WDR33: variants seen among roughly 807,000 people sequenced by gnomAD.
WDR33 encodes WD repeat domain 33, also known as pre-mRNA 3' end processing protein WDR33.
A neutral mutation model predicts 164.9 loss-of-function variants in WDR33; 47 were observed. The ratio of observed to expected loss-of-function variants is 0.29; its 90% CI spans 0.23 to 0.36. The LOEUF is 0.36. Among genes scored for constraint, WDR33 ranks in the 10% least tolerant of loss-of-function variants. The pLI is 1.00. For synonymous variants in WDR33, 505 were observed against 589.0 expected (o/e 0.86, Z 2.06); for missense variants, 1,137 against 1,754.1 (o/e 0.65, Z 6.28).
In WDR33 at chr2:127,712,054, G is replaced by T. The variant is rs1686194415; in HGVS notation, c.3308+1529C>A. ...CCCAAAGTGCTGGGATTACAAGCGTGAGCCACTGTGCCCGGCCTTAACCAT... is the reference window on the plus strand; with the variant it reads ...CCCAAAGTGCTGGGATTACAAGCGTTAGCCACTGTGCCCGGCCTTAACCAT... On this transcript the variant is annotated intron_variant, in intron 18 of 21. Transcript: ENST00000322313. This position sits in a 1 kb window ranked among gnomAD's most constrained non-coding sequence, Gnocchi z 4.0. 3.3e-5 allele frequency among the ~76,000 whole-genome samples: 5 copies of T among 151,734 alleles called. No homozygotes were observed. The highest frequency in any genetic ancestry group is 3.3e-4 in the Admixed American group (5 of 15,246).
chr2:127,719,293 C>A lies in WDR33; in HGVS notation c.2732G>T (p.Gly911Val). 6.9e-7 allele frequency: 1 copy of A among 1,455,884 alleles called. No individual in the cohort carries two copies. The highest frequency in any genetic ancestry group is 2.4e-5 in the East Asian group (1 of 41,640). 90.2% of individuals were successfully genotyped at this position (1,455,884 alleles called of 1,614,324 possible). ...PFQQQKTPLL[G>V]DGPRAPFNQE... ...GTTGAAGGGGGCCCGGGGCCCATCA[C>A]CTAGCAGAGGCGTTTTCTGTTGCTG... Residue 911 changes from glycine to valine, a missense_variant, in exon 16 of 22, where the codon GGT becomes GTT. Around this residue, in one of 9 missense-constraint regions of WDR33, gnomAD observed 867 missense variants for 1,073.0 expected, o/e 0.81. Transcript: ENST00000322313. This position sits in a 1 kb window ranked among gnomAD's most constrained non-coding sequence, Gnocchi z 6.5.
rs1161778593 is a variant in WDR33, at chr2:127,714,185, AAT to A, written c.2870-166_2870-165del. Among the ~76,000 whole-genome samples the A allele has an allele frequency of 6.6e-6, 1 of 152,226 alleles. No individual in the cohort carries two copies. Among genetic ancestry groups the A allele is most frequent in the Non-Finnish European group, 1.5e-5 (1 of 68,034 alleles). On this transcript the variant is annotated intron_variant, in intron 17 of 21. Transcript: ENST00000322313. The surrounding 1 kb of genome is among the most constrained non-coding windows in gnomAD (Gnocchi z 4.3). The stretch of plus-strand genomic sequence containing the variant: ...GACAAATGTCCCTGAAGCATTGGGT[AAT>A]AGAACAGGAGCTTTGGGGTGCAGAT...
rs772966061 is a variant in WDR33 at position 127,764,884 on chromosome 2, C to T, written c.570G>A (p.Ser190=). ...DHGGYVKYWQ[S]NMNNVKMFQA... ...GGAACATCTTGACGTTGTTCATGTT[C>T]GACTGCCAATATTTCACATATCCTC... The change falls in exon 6 of 22, where the codon TCG becomes TCA. Residue 190 remains serine (S), a synonymous_variant. Coordinates refer to ENST00000322313, the MANE Select transcript of WDR33 (RefSeq NM_018383.5). The surrounding 1 kb of genome is among the most constrained non-coding windows in gnomAD (Gnocchi z 6.2). 122 of 1,614,026 alleles carry T rather than the reference C, an allele frequency of 7.6e-5. No individual in the cohort carries two copies. Among genetic ancestry groups the T allele is most frequent in the Non-Finnish European group, 9.9e-5 (117 of 1,180,040 alleles).
In WDR33 at chr2:127,734,300, C is replaced by G. The variant is rs151090977; in HGVS notation, c.725-7523G>C. On this transcript the variant is annotated intron_variant, in intron 7 of 21. Transcript: ENST00000322313. ...ATTTTTAGATATTAAGCATTGAGAACAGTGAGTTTGCATCATTCCTTAGCT... is the reference window on the plus strand; with the variant it reads ...ATTTTTAGATATTAAGCATTGAGAAGAGTGAGTTTGCATCATTCCTTAGCT... Among the ~76,000 whole-genome samples the G allele has an allele frequency of 1.8e-3, 279 of 152,266 alleles. 2 individuals are homozygous for G. Among genetic ancestry groups the G allele is most frequent in the African/African-American group, 6.4e-3 (267 of 41,556 alleles).
At chr2:127,759,366 C>T (rs1285472248) in intron 7 of WDR33, among the ~76,000 whole-genome samples, 1 of 152,096 alleles carries the variant, frequency 6.6e-6, no homozygotes, top group African/African-American at 2.4e-5. Flanking sequence ...CTTTTCTAAG[C>T]GTAAGAACAA....
Position 127,738,033 on chromosome 2 carries a change from C to A in WDR33, c.725-11256G>T, listed in dbSNP as rs370534850. Reference sequence around the variant, plus strand: ...CCTCTTGACAGAAAGGAAGTAACAACGGCAGTGATGAAAACATGTATCTAT... The same window carrying A: ...CCTCTTGACAGAAAGGAAGTAACAAAGGCAGTGATGAAAACATGTATCTAT... On this transcript the variant is annotated intron_variant, in intron 7 of 21. Transcript: ENST00000322313. The surrounding 1 kb of genome is among the most constrained non-coding windows in gnomAD (Gnocchi z 4.4). 10 of 1,612,882 alleles carry A rather than the reference C, an allele frequency of 6.2e-6. No homozygotes were observed. The highest frequency in any genetic ancestry group is 1.3e-5 in the African/African-American group (1 of 74,938).
Position 127,704,795 on chromosome 2 carries a change from C to T in WDR33, c.*1528G>A, listed in dbSNP as rs541340918. On this transcript the variant is annotated 3_prime_UTR_variant, in exon 22 of 22. Transcript: ENST00000322313. Reference sequence around the variant, plus strand: ...CTTTTCTAAGCAACCATTGAAACTTCCAGCACCAGCGGCCAGGTACTGTGG... The same window carrying T: ...CTTTTCTAAGCAACCATTGAAACTTTCAGCACCAGCGGCCAGGTACTGTGG... 2 of 167,166 alleles carry T rather than the reference C, an allele frequency of 1.2e-5. No individual in the cohort carries two copies. Among genetic ancestry groups the T allele is most frequent in the African/African-American group, 4.8e-5 (2 of 41,572 alleles). The allele number at this position is 167,166 out of a possible 1,614,324, so 10.4% of individuals were successfully genotyped here. A position where few individuals can be genotyped will look rare whatever the true frequency, so the allele number is the denominator to read the frequency against.
At position 127,763,591 on chromosome 2, in the gene WDR33, C is replaced by G. The variant is rs766332404; in HGVS notation, c.627-432G>C. The stretch of plus-strand genomic sequence containing the variant: ...TGCCTCAGACACTTCATGAAATAAG[C>G]TGAAACAATGTGGGCTGTCTATTAA... On this transcript the variant is annotated intron_variant, in intron 6 of 21. Transcript: ENST00000322313. This position sits in a 1 kb window ranked among gnomAD's most constrained non-coding sequence, Gnocchi z 4.5. The G allele has an allele frequency of 2.4e-5, 24 of 999,380 alleles. No homozygotes were observed. In the Admixed American group the frequency reaches 6.7e-4, roughly 28 times the overall value. 61.9% of individuals were successfully genotyped at this position (999,380 alleles called of 1,614,324 possible).
At chr2:127,752,906 C>T (rs116782285) in intron 7 of WDR33, among the ~76,000 whole-genome samples, 3,244 of 152,274 alleles carry the variant, frequency 0.021, 125 homozygotes, top group African/African-American at 0.075. Context: ...TTTAAATCCA[C>T]TTATAAGACT....
At chr2:127,806,210 CTTTTT>C (rs200197402) in intron 1 of WDR33, among the ~76,000 whole-genome samples, 1 of 132,928 alleles carries the variant, frequency 7.5e-6, no homozygotes, top group East Asian at 2.2e-4. Flanking sequence ...TTTTCTTTTT[CTTTTT>C]TTTTTTTTTT....
At position 127,760,272 on chromosome 2, in the gene WDR33, A is replaced by G. The variant is rs548939561; in HGVS notation, c.724+2790T>C. ...AAATAGAATTATTTTGGATTTTCTG[A>G]ATACTTAACTCCAAAAGTAATGACT... On this transcript the variant is annotated intron_variant, in intron 7 of 21. Coordinates refer to ENST00000322313, the MANE Select transcript of WDR33 (RefSeq NM_018383.5). Among the ~76,000 whole-genome samples the G allele has an allele frequency of 4.6e-5, 7 of 152,322 alleles. No homozygotes were observed. In the South Asian group the frequency reaches 1.2e-3, roughly 27 times the overall value.
At position 127,706,789 on chromosome 2, in the gene WDR33, G is replaced by C. The variant is rs1339243520; in HGVS notation, c.3782-237C>G. On this transcript the variant is annotated intron_variant, in intron 21 of 21. Coordinates refer to ENST00000322313, the MANE Select transcript of WDR33 (RefSeq NM_018383.5). The surrounding 1 kb of genome is among the most constrained non-coding windows in gnomAD (Gnocchi z 5.1). The stretch of plus-strand genomic sequence containing the variant: ...CAGCCAGATCCATGCCCCCAGGGCT[G>C]TGTGACAGACGACAGGAAGCCAAGA... Among the ~76,000 whole-genome samples, 1 of 152,210 alleles carries C rather than the reference G, an allele frequency of 6.6e-6. No individual in the cohort carries two copies. The highest frequency in any genetic ancestry group is 1.9e-4 in the East Asian group (1 of 5,188).
Position 127,719,524 on chromosome 2 carries a change from C to T in WDR33, c.2501G>A (p.Arg834Gln), listed in dbSNP as rs767946537. The change falls in exon 16 of 22, where the codon CGA becomes CAA. Residue 834 changes from arginine to glutamine, a missense_variant. By Grantham distance (43) the Arg-to-Gln change is conservative (BLOSUM62 1). Around this residue, in one of 9 missense-constraint regions of WDR33, gnomAD observed 867 missense variants for 1,073.0 expected, o/e 0.81. Transcript: ENST00000322313. The surrounding 1 kb of genome is among the most constrained non-coding windows in gnomAD (Gnocchi z 6.5). ...PQEMRGPQEI[R>Q]GMQGPPPQGS... ...TTGGGGTGGAGGCCCCTGCATGCCT[C>T]GGATCTCCTGAGGACCTCTCATTTC... is the stretch of plus-strand genomic sequence containing the variant. 26 of 1,613,636 alleles carry T rather than the reference C, an allele frequency of 1.6e-5. No homozygotes were observed. Among genetic ancestry groups the T allele is most frequent in the Admixed American group, 1.3e-4 (8 of 59,970 alleles).
Position 127,763,921 on chromosome 2 carries a change from T to G in WDR33, c.627-762A>C. The G allele has an allele frequency of 3.0e-6, 3 of 985,694 alleles. No individual in the cohort carries two copies. The highest frequency in any genetic ancestry group is 3.6e-6 in the Non-Finnish European group (3 of 830,176). The allele number at this position is 985,694 out of a possible 1,614,324, so 61.1% of individuals were successfully genotyped here. ...GTATGGGCATGACACTAAGGCAAAA[T>G]CTACAAAGCAGAAGCATGTTCATCC... is the stretch of plus-strand genomic sequence containing the variant. On this transcript the variant is annotated intron_variant, in intron 6 of 21. Transcript: ENST00000322313. This position sits in a 1 kb window ranked among gnomAD's most constrained non-coding sequence, Gnocchi z 4.5.
chr2:127,731,722 T>C (rs552675210), intron 7 of WDR33, among the ~76,000 whole-genome samples: 57 of 152,308 alleles, frequency 3.7e-4, no homozygotes, highest in African/African-American at 1.3e-3. Flanking sequence ...TATATCTAGA[T>C]TAGAATGTAT....
Position 127,738,666 on chromosome 2 carries a change from A to T in WDR33, c.725-11889T>A, listed in dbSNP as rs1447092975. The stretch of plus-strand genomic sequence containing the variant: ...TACCTGTGTGATCTTCCTCTCAAAA[A>T]CCGACAATTCCCTGTCTAATCATGA... On this transcript the variant is annotated intron_variant, in intron 7 of 21. Coordinates refer to ENST00000322313, the MANE Select transcript of WDR33 (RefSeq NM_018383.5). This position sits in a 1 kb window ranked among gnomAD's most constrained non-coding sequence, Gnocchi z 4.4. Among the ~76,000 whole-genome samples the T allele has an allele frequency of 6.6e-6, 1 of 152,116 alleles. No individual in the cohort carries two copies. Among genetic ancestry groups the T allele is most frequent in the Non-Finnish European group, 1.5e-5 (1 of 68,018 alleles).
rs1282184167 is a variant in WDR33, at chr2:127,770,620, G to C, written c.204+158C>G. Among the ~76,000 whole-genome samples, 1 of 151,976 alleles carries C rather than the reference G, an allele frequency of 6.6e-6. No individual in the cohort carries two copies. The highest frequency in any genetic ancestry group is 6.6e-5 in the Admixed American group (1 of 15,236). ...GCAGGAGAATCACTTGAACCCGGGA[G>C]GCAGAGGTTGCAGTGAGCCAAAACC... On this transcript the variant is annotated intron_variant, in intron 2 of 21. Coordinates refer to ENST00000322313, the MANE Select transcript of WDR33 (RefSeq NM_018383.5). The surrounding 1 kb of genome is among the most constrained non-coding windows in gnomAD (Gnocchi z 4.9).
chr2:127,768,148 C>T (rs1380155770), intron 4 of WDR33, 41 bp downstream of exon 4: 2 of 1,292,608 alleles, frequency 1.5e-6, no homozygotes, highest in Admixed American at 2.4e-5. Context: ...CTATATAACG[C>T]AGGATTAATT....
rs1423906686 is a variant in WDR33 at position 127,730,125 on chromosome 2, AC to A, written c.725-3349del. On this transcript the variant is annotated intron_variant, in intron 7 of 21. Transcript: ENST00000322313. Reference sequence around the variant, plus strand: ...TTTTGTAATTTTTCAACTTTGAAACACGTTAATGACCTATTGAGAAAATTCA... The same window carrying A: ...TTTTGTAATTTTTCAACTTTGAAACAGTTAATGACCTATTGAGAAAATTCA... Among the ~76,000 whole-genome samples the A allele has an allele frequency of 2.0e-5, 3 of 152,334 alleles. No homozygotes were observed. In the East Asian group the frequency reaches 5.8e-4, roughly 29 times the overall value.
Sources: gnomAD v4.1 joint callset for allele counts (sites outside exome capture counted in the v4.1 genomes callset) on GRCh38, gnomAD v4.1.1 for gene constraint, gnomAD v4.1.1 regional missense constraint, Gnocchi (gnomAD v3.1) non-coding constraint, MANE v1.5 for transcripts, NCBI Gene and HGNC (gene_info 2026-07-23, HGNC 2026-07-21) for gene names.